Variants in ITPKA observed in about 807,000 individuals in gnomAD.
ITPKA encodes inositol-trisphosphate 3-kinase A.
In ITPKA, 16 loss-of-function variants were observed where a neutral mutation model predicts 40.7. The observed-to-expected ratio is 0.39, with a 90% CI of 0.27 to 0.60. ITPKA has a LOEUF of 0.60. Ranked by LOEUF, ITPKA falls within the 20% of genes least tolerant of loss-of-function variation. The pLI is 0.50. For synonymous variants in ITPKA, 313 were observed against 289.9 expected, an observed-to-expected ratio of 1.08 and a Z score of -0.81; for missense variants, 540 against 649.3, an observed-to-expected ratio of 0.83 and a Z score of 1.83.
At chr15:41,502,248 CTG>C (rs760197466) in intron 4 of ITPKA, 47 bp downstream of exon 4, 12 of 1,526,176 alleles carry the variant, frequency 7.9e-6, no homozygotes, top group African/African-American at 2.7e-5. Context: ...CCACTGCGCG[CTG>C]TCTTTCCCGA....
At chr15:41,502,890 G>T in intron 6 of ITPKA, 31 bp downstream of exon 6, 2 of 1,608,634 alleles carry the variant, frequency 1.2e-6, no homozygotes, top group Non-Finnish European at 1.7e-6. Flanking sequence ...TGCCCGGGCC[G>T]CGAGGGCTAG....
intron 1 of ITPKA, among the ~76,000 whole-genome samples, chr15:41,500,467 T>A (rs530506467): frequency 1.3e-5 from 2 of 152,336 alleles, no homozygotes; most frequent in African/African-American, 4.8e-5. Flanking sequence ...TCTGTGTATG[T>A]CTGTCTCCCT....
rs1389258083 is a variant in ITPKA at position 41,501,687 on chromosome 15, G to T, written c.639G>T (p.Glu213Asp). The change falls in exon 3 of 7, where the codon GAG (glutamate) becomes GAT (aspartate). Residue 213 changes from glutamate to aspartate, a missense_variant. By Grantham distance (45) the Glu-to-Asp change is conservative. Transcript: ENST00000260386. The part of the protein sequence containing the change: ...TSGLILKRCS[E>D]PERYCLARLM... ...GGCTGATCCTGAAGCGCTGCTCGGA[G>T]CCGGAGCGCTACTGCCTGGCGCGGC... is the stretch of plus-strand genomic sequence containing the variant. 29 of 1,609,996 alleles carry T rather than the reference G, an allele frequency of 1.8e-5. No homozygotes were observed. The highest frequency in any genetic ancestry group is 2.5e-5 in the Non-Finnish European group (29 of 1,178,758).
chr15:41,501,527 G>T lies in ITPKA; in HGVS notation c.554G>T (p.Arg185Leu), dbSNP rs1363184478. The change falls in exon 2 of 7, where the codon CGC becomes CTC. Residue 185 changes from arginine (R) to leucine (L), a missense_variant. Transcript: ENST00000260386. ...NLPVISPFKK[R>L]YAWVQLAGHT... is the part of the protein sequence containing the mutation. ...CCGGTCATAAGCCCTTTCAAGAAGCGCTACGCCTGGGTGCAGCTGGCAGGG... is the reference window on the plus strand; with the variant it reads ...CCGGTCATAAGCCCTTTCAAGAAGCTCTACGCCTGGGTGCAGCTGGCAGGG... 1.2e-6 allele frequency: 2 copies of T among 1,606,146 alleles called. No individual in the cohort carries two copies. Among genetic ancestry groups the T allele is most frequent in the South Asian group, 1.1e-5 (1 of 90,282 alleles).
intron 1 of ITPKA, among the ~76,000 whole-genome samples, chr15:41,497,141 A>C (rs2051078433): frequency 6.6e-6 from 1 of 152,220 alleles, no homozygotes; most frequent in African/African-American, 2.4e-5. Context: ...CTCCCTGTTC[A>C]GCCCTAGGAG....
Position 41,502,877 on chromosome 15 carries a change from G to C in ITPKA, c.1182+18G>C. ...GGCACGAGGTAAGCGGCGGCTGCCC[G>C]GGTGCCCGGGCCGCGAGGGCTAGGG... On this transcript the variant is annotated intron_variant, in intron 6 of 6. Transcript: ENST00000260386. The C allele has an allele frequency of 6.2e-7, 1 of 1,610,370 alleles. No homozygotes were observed. Among genetic ancestry groups the C allele is most frequent in the Non-Finnish European group, 8.5e-7 (1 of 1,178,588 alleles).
Position 41,502,201 on chromosome 15 carries a change from G to A in ITPKA, c.1008G>A (p.Lys336=). The part of the protein sequence containing the change: ...TTLGFRIEGI[K]KADGSCSTDF... ...TCGGCTTCCGCATCGAGGGCATCAAGGTGAGGCAGGCGCGCTTCGCTGGCA... is the reference window on the plus strand; with the variant it reads ...TCGGCTTCCGCATCGAGGGCATCAAAGTGAGGCAGGCGCGCTTCGCTGGCA... The change falls in exon 4 of 7, where the codon AAG becomes AAA. Residue 336 remains lysine (K), a splice_region_variant and synonymous_variant. Coordinates refer to ENST00000260386, the MANE Select transcript of ITPKA (RefSeq NM_002220.3). The A allele has an allele frequency of 6.4e-7, 1 of 1,569,278 alleles. No individual in the cohort carries two copies. Among genetic ancestry groups the A allele is most frequent in the East Asian group, 2.4e-5 (1 of 42,502 alleles).
At chr15:41,500,703 T>C (rs2051103282) in intron 1 of ITPKA, among the ~76,000 whole-genome samples, 1 of 152,066 alleles carries the variant, frequency 6.6e-6, no homozygotes, top group Non-Finnish European at 1.5e-5. Flanking sequence ...TTTTGAGGCA[T>C]TGGTAGTAAT....
intron 5 of ITPKA, 39 bp from the exon 6 acceptor site, chr15:41,502,749 T>TA: frequency 6.5e-7 from 1 of 1,543,384 alleles, no homozygotes; most frequent in Non-Finnish European, 8.8e-7. Flanking sequence ...ATTTGGCGTT[T>TA]AGTTAATTTG....
At chr15:41,497,877 C>CA (rs761418070) in intron 1 of ITPKA, among the ~76,000 whole-genome samples, 2 of 151,798 alleles carry the variant, frequency 1.3e-5, no homozygotes, top group Non-Finnish European at 2.9e-5. Context: ...AAAAAAATGT[C>CA]ACGGTGGCTC....
intron 1 of ITPKA, among the ~76,000 whole-genome samples, chr15:41,495,387 T>G (rs1655558): frequency 0.67 from 101,315 of 152,186 alleles, 35,184 homozygotes; most frequent in African/African-American, 0.85. Context: ...TGCCCATAAG[T>G]CCGGGTCGGC....
chr15:41,503,534 TA>T lies in ITPKA; in HGVS notation c.*372del. ...CACCACGACGGACTCCCCTTCCTAA[TA>T]AAACTCAAAGACAAGATGCAGCTTC... On this transcript the variant is annotated 3_prime_UTR_variant, in exon 7 of 7. Coordinates refer to ENST00000260386, the MANE Select transcript of ITPKA (RefSeq NM_002220.3). 1 of 581,618 alleles carries T rather than the reference TA, an allele frequency of 1.7e-6. No individual in the cohort carries two copies. The highest frequency in any genetic ancestry group is 4.3e-5 in the East Asian group (1 of 23,320). The allele number at this position is 581,618 out of a possible 1,614,324, so 36.0% of individuals were successfully genotyped here. A position where few individuals can be genotyped will look rare whatever the true frequency, so the allele number is the denominator to read the frequency against.
Position 41,494,809 on chromosome 15 carries a change from G to A in ITPKA, c.489+393G>A, listed in dbSNP as rs1028789226. 6.6e-6 allele frequency among the ~76,000 whole-genome samples: 1 copy of A among 152,272 alleles called. No homozygotes were observed. The highest frequency in any genetic ancestry group is 2.1e-4 in the South Asian group (1 of 4,830). On this transcript the variant is annotated intron_variant, in intron 1 of 6. Transcript: ENST00000260386. This position sits in a 1 kb window ranked among gnomAD's most constrained non-coding sequence, Gnocchi z 7.8. ...CGAAGGAGAGTTTCCCTTACCCCCC[G>A]CCCCCTCTCCGGTGCCGCGGCCGCA... is the stretch of plus-strand genomic sequence containing the variant.
chr15:41,494,078 G>A lies in ITPKA; in HGVS notation c.151G>A (p.Ala51Thr). Residue 51 changes from alanine to threonine, a missense_variant, in exon 1 of 7, where the codon GCG (alanine) becomes ACG (threonine). Physicochemically the swap from Ala to Thr is moderately conservative, Grantham distance 58. Transcript: ENST00000260386. The surrounding 1 kb of genome is among the most constrained non-coding windows in gnomAD (Gnocchi z 7.8). The part of the protein sequence containing the change: ...RCAAVAAAAA[A>T]GEPRARGAKR... ...TGCGGCGGTCGCTGCGGCCGCCGCC[G>A]CGGGGGAGCCCCGGGCCCGCGGGGC... 2 of 1,248,990 alleles carry A rather than the reference G, an allele frequency of 1.6e-6. No homozygotes were observed. The highest frequency in any genetic ancestry group is 1.0e-6 in the Non-Finnish European group (1 of 999,214). 77.4% of individuals were successfully genotyped at this position (1,248,990 alleles called of 1,614,324 possible).
In ITPKA at chr15:41,494,547, G is replaced by A. The variant is rs2051056660; in HGVS notation, c.489+131G>A. 1.7e-6 allele frequency: 1 copy of A among 600,274 alleles called. No individual in the cohort carries two copies. The highest frequency in any genetic ancestry group is 2.6e-6 in the Non-Finnish European group (1 of 384,636). The allele number at this position is 600,274 out of a possible 1,614,324, so 37.2% of individuals were successfully genotyped here. ...AGGTCCTGTTCTCGCGGTTTAGGAG[G>A]AATCTGGGGGTCAGAGGGAGGCGCC... On this transcript the variant is annotated intron_variant, in intron 1 of 6. Transcript: ENST00000260386. The surrounding 1 kb of genome is among the most constrained non-coding windows in gnomAD (Gnocchi z 7.8).
In ITPKA at chr15:41,503,536, A is replaced by AAACTC. The variant is rs1385627781; in HGVS notation, c.*373_*377dup. 1.7e-6 allele frequency: 1 copy of AAACTC among 578,838 alleles called. No homozygotes were observed. The highest frequency in any genetic ancestry group is 1.8e-5 in the African/African-American group (1 of 54,404). 35.9% of individuals were successfully genotyped at this position (578,838 alleles called of 1,614,324 possible). A position where few individuals can be genotyped will look rare whatever the true frequency, so the allele number is the denominator to read the frequency against. ...CCACGACGGACTCCCCTTCCTAATA[A>AAACTC]AACTCAAAGACAAGATGCAGCTTCC... On this transcript the variant is annotated 3_prime_UTR_variant, in exon 7 of 7. Coordinates refer to ENST00000260386, the MANE Select transcript of ITPKA (RefSeq NM_002220.3).
intron 3 of ITPKA, 56 bp from the exon 4 acceptor site, chr15:41,501,941 G>A: frequency 6.3e-7 from 1 of 1,590,106 alleles, no homozygotes. Flanking sequence ...GCGAGTGCTC[G>A]AAGGGGTCTC....
intron 1 of ITPKA, chr15:41,501,202 C>A: frequency 2.0e-6 from 1 of 512,178 alleles, no homozygotes; most frequent in Non-Finnish European, 2.5e-6. Flanking sequence ...AGCTGGAGCG[C>A]AAACCGGGGG....
chr15:41,499,417 G>A (rs537100942), intron 1 of ITPKA, among the ~76,000 whole-genome samples: 1 of 152,298 alleles, frequency 6.6e-6, no homozygotes, highest in South Asian at 2.1e-4. Context: ...TCGTGTTACG[G>A]CAGCAGCTAT....
Sources: allele counts gnomAD v4.1 joint callset (sites outside exome capture counted in the v4.1 genomes callset), GRCh38; gene constraint gnomAD v4.1.1; non-coding constraint Gnocchi (gnomAD v3.1); transcripts MANE v1.5; gene names NCBI Gene and HGNC (gene_info 2026-07-23, HGNC 2026-07-21).